Variants in SHPRH observed in about 807,000 individuals in gnomAD.
SHPRH encodes the protein E3 ubiquitin-protein ligase SHPRH.
In SHPRH, 106 loss-of-function variants were observed where a neutral mutation model predicts 202.5. That is an observed-to-expected ratio of 0.52 (90% CI 0.45 to 0.62). SHPRH has a LOEUF of 0.62. Ranked by LOEUF, SHPRH falls within the 20% of genes least tolerant of loss-of-function variation. SHPRH has a pLI of 0.00. For synonymous variants in SHPRH, 729 were observed against 686.0 expected, an observed-to-expected ratio of 1.06 and a Z score of -0.98; for missense variants, 1,710 against 2,020.0, an observed-to-expected ratio of 0.85 and a Z score of 2.94.
intron 2 of SHPRH, among the ~76,000 whole-genome samples, chr6:145,866,368 G>A (rs1222796492): frequency 1.3e-5 from 2 of 152,084 alleles, no homozygotes; most frequent in Non-Finnish European, 2.9e-5. Context: ...GGAAAATGGG[G>A]ATAATAATAA....
chr6:145,955,271 T>G lies in SHPRH; in HGVS notation c.52A>C (p.Arg18=). Residue 18 remains arginine, a synonymous_variant, in exon 2 of 30, where the codon AGG becomes CGG. Transcript: ENST00000275233. ...TGCATATTCCAATGAAGCTGCTGCC[T>G]CTTTTCCTCATCTACCCTCACTGGA... The part of the protein sequence containing the change: ...APPVRVDEEK[R]QQLHWNMHED... 1 of 1,611,358 alleles carries G rather than the reference T, an allele frequency of 6.2e-7. No individual in the cohort carries two copies.
chr6:145,874,016 T>C (rs922508565), intron 2 of SHPRH, among the ~76,000 whole-genome samples: 11 of 152,056 alleles, frequency 7.2e-5, no homozygotes, highest in Non-Finnish European at 1.3e-4. Context: ...CTGGCCAACA[T>C]GGGGAAACCC....
chr6:145,884,738 T>C (rs183405006), downstream of SHPRH: 1 of 152,292 alleles, frequency 6.6e-6, no homozygotes, highest in East Asian at 1.9e-4. Context: ...CATTTTGATA[T>C]CTTTTGTTGA....
At chr6:145,939,258 C>G (rs898008326) in intron 11 of SHPRH, among the ~76,000 whole-genome samples, 6 of 152,150 alleles carry the variant, frequency 3.9e-5, no homozygotes, top group Non-Finnish European at 1.5e-5. Flanking sequence ...TGGAAAAGCT[C>G]TTTTGGAGCT....
chr6:145,938,351 C>T (rs907857022), intron 11 of SHPRH, among the ~76,000 whole-genome samples: 7 of 152,142 alleles, frequency 4.6e-5, no homozygotes, highest in African/African-American at 1.2e-4. Flanking sequence ...CTCTTAGATG[C>T]GCCAGCCTCT....
At chr6:145,887,961 G>A in intron 29 of SHPRH, 59 bp downstream of exon 29, 1 of 1,314,550 alleles carries the variant, frequency 7.6e-7, no homozygotes, top group Admixed American at 1.8e-5. Flanking sequence ...AAGTTCTAAA[G>A]ATACAAACTT....
intron 23 of SHPRH, 59 bp from the exon 24 acceptor site, chr6:145,913,608 T>C (rs1375945341): frequency 3.5e-6 from 5 of 1,428,092 alleles, no homozygotes; most frequent in Non-Finnish European, 4.8e-6. Context: ...AAACCTGATA[T>C]ATGTTTTGCA....
intron 3 of SHPRH, among the ~76,000 whole-genome samples, chr6:145,952,126 C>T (rs781250194): frequency 6.6e-5 from 10 of 151,986 alleles, no homozygotes; most frequent in East Asian, 1.9e-4. Context: ...ATATTGACTC[C>T]GCAAATATTT....
intron 25 of SHPRH, among the ~76,000 whole-genome samples, chr6:145,898,567 G>A (rs927912832): frequency 6.6e-6 from 1 of 152,054 alleles, no homozygotes; most frequent in Admixed American, 6.6e-5. Flanking sequence ...CTGAGTCATG[G>A]GGGTGGATCC....
chr6:145,944,298 T>G (rs1582792911), intron 8 of SHPRH, among the ~76,000 whole-genome samples: 1 of 152,270 alleles, frequency 6.6e-6, no homozygotes, highest in Non-Finnish European at 1.5e-5. Flanking sequence ...GCCAATTCTG[T>G]GCCAGTAGTT....
intron 11 of SHPRH, among the ~76,000 whole-genome samples, chr6:145,936,545 T>C (rs979560696): frequency 2.6e-5 from 4 of 152,100 alleles, no homozygotes; most frequent in Admixed American, 2.0e-4. Flanking sequence ...CAGGCTGATC[T>C]TGAACTCCTG....
At chr6:145,874,874 ATATTC>A (rs1207237333) in intron 2 of SHPRH, among the ~76,000 whole-genome samples, 3 of 152,222 alleles carry the variant, frequency 2.0e-5, no homozygotes, top group Non-Finnish European at 4.4e-5. Context: ...TTTTTGCATA[ATATTC>A]TGAATATTTA....
In SHPRH at chr6:145,952,311, T is replaced by C; in HGVS notation, c.763+38A>G. ...GTTAGAGGAAAAAACTCACAACTCC[T>C]AAGTAATAGCAATTTTTAAGTTTAC... On this transcript the variant is annotated intron_variant, in intron 3 of 29. Coordinates refer to ENST00000275233, the MANE Select transcript of SHPRH (RefSeq NM_001042683.3). 1.9e-6 allele frequency: 3 copies of C among 1,551,404 alleles called. No individual in the cohort carries two copies. In the South Asian group the frequency reaches 3.7e-5, roughly 19 times the overall value.
At chr6:145,925,634 T>C (rs1420527493) in intron 16 of SHPRH, among the ~76,000 whole-genome samples, 1 of 152,004 alleles carries the variant, frequency 6.6e-6, no homozygotes, top group Non-Finnish European at 1.5e-5. Context: ...TCTTTTGATT[T>C]TAGCTCTTTA....
intron 26 of SHPRH, 104 bp downstream of exon 26, chr6:145,894,781 A>G (rs1583317700): frequency 1.0e-6 from 1 of 970,852 alleles, no homozygotes; most frequent in East Asian, 2.6e-5. Flanking sequence ...GATTTGGGAA[A>G]AAAAATCTAA....
intron 14 of SHPRH, among the ~76,000 whole-genome samples, chr6:145,930,831 C>A (rs938360462): frequency 6.6e-6 from 1 of 152,096 alleles, no homozygotes; most frequent in Non-Finnish European, 1.5e-5. Context: ...ACAATAATTA[C>A]GCACTTGTTT....
At chr6:145,888,142 A>T in intron 28 of SHPRH, 42 bp from the exon 29 acceptor site, 1 of 1,438,676 alleles carries the variant, frequency 7.0e-7, no homozygotes, top group African/African-American at 1.4e-5. Flanking sequence ...AACATAGTAA[A>T]ACAAATCAGT....
At chr6:145,868,353 T>C (rs982798916) in intron 2 of SHPRH, among the ~76,000 whole-genome samples, 2 of 152,188 alleles carry the variant, frequency 1.3e-5, no homozygotes, top group African/African-American at 4.8e-5. Flanking sequence ...CATCCCATAA[T>C]GCCAAGTAAC....
Position 145,941,747 on chromosome 6 carries a change from C to T in SHPRH, c.2366G>A (p.Ser789Asn), listed in dbSNP as rs1786801530. The T allele has an allele frequency of 2.5e-6, 4 of 1,614,060 alleles. No individual in the cohort carries two copies. Among genetic ancestry groups the T allele is most frequent in the Non-Finnish European group, 3.4e-6 (4 of 1,179,976 alleles). The change falls in exon 10 of 30, where the codon AGT (serine) becomes AAT (asparagine). Residue 789 changes from serine (S) to asparagine (N), a missense_variant. By Grantham distance (46) the Ser-to-Asn change is conservative. Around this residue, in one of 8 missense-constraint regions of SHPRH, gnomAD observed 277 missense variants for 363.0 expected, o/e 0.76. Transcript: ENST00000275233. ...GTTCCGTAGGCGACGCCCATCCTCA[C>T]TATTGCTATGTGGGATATCGACATA... Reference protein sequence around the residue: ...LNYVDIPHSNSEDGRRLRNQK... With the variant: ...LNYVDIPHSNNEDGRRLRNQK...
Sources: allele counts gnomAD v4.1 joint callset (sites outside exome capture counted in the v4.1 genomes callset), GRCh38; gene constraint gnomAD v4.1.1; regional missense constraint gnomAD v4.1.1; transcripts MANE v1.5; gene names NCBI Gene and HGNC (gene_info 2026-07-23, HGNC 2026-07-21).